Variants in CDH10 observed in about 807,000 individuals in gnomAD.
The protein encoded by CDH10 is cadherin-10.
Under a neutral mutation model 73.1 loss-of-function variants are expected in CDH10, and 30 were observed. The ratio of observed to expected loss-of-function variants is 0.41; its 90% CI spans 0.31 to 0.56. The LOEUF (loss-of-function observed/expected upper bound fraction) is 0.56. Ranked by LOEUF, CDH10 falls within the 20% of genes least tolerant of loss-of-function variation. CDH10 has a pLI of 0.27. For missense variants in CDH10, 815 were observed against 973.7 expected (o/e 0.84, Z 2.17); for synonymous variants, 345 against 348.2 (o/e 0.99, Z 0.10).
In CDH10 at chr5:24,608,615, G is replaced by A. The variant is rs116632285; in HGVS notation, c.-123-15002C>T. ...CTACATTCTGAATGTTTTAACAAAAGGTTTCAAAATATAAAGTAGTAGTAA... is the reference window on the plus strand; with the variant it reads ...CTACATTCTGAATGTTTTAACAAAAAGTTTCAAAATATAAAGTAGTAGTAA... On this transcript the variant is annotated intron_variant, in intron 1 of 11. Coordinates refer to ENST00000264463, the MANE Select transcript of CDH10 (RefSeq NM_006727.5). 9.8e-3 allele frequency among the ~76,000 whole-genome samples: 1,493 copies of A among 152,068 alleles called. 18 individuals are homozygous for A. Among genetic ancestry groups the A allele is most frequent in the African/African-American group, 0.035 (1,442 of 41,490 alleles).
intron 2 of CDH10, among the ~76,000 whole-genome samples, chr5:24,559,551 A>G (rs147616592): frequency 2.1e-3 from 316 of 152,138 alleles, no homozygotes; most frequent in Middle Eastern, 0.01. Context: ...GGGAAGAGAA[A>G]ATTGAAAATG....
chr5:24,588,843 G>C (rs1417531681), intron 2 of CDH10, among the ~76,000 whole-genome samples: 1 of 152,126 alleles, frequency 6.6e-6, no homozygotes, highest in Non-Finnish European at 1.5e-5. Flanking sequence ...GGAATAAACA[G>C]ATCAATAAAA....
At chr5:24,628,433 C>T (rs970846711) in intron 1 of CDH10, among the ~76,000 whole-genome samples, 2 of 152,088 alleles carry the variant, frequency 1.3e-5, no homozygotes, top group African/African-American at 4.8e-5. Context: ...TTTGTGAGCA[C>T]ATATGAGAAA....
At chr5:24,504,893 T>C (rs1742648200) in intron 8 of CDH10, among the ~76,000 whole-genome samples, 1 of 152,088 alleles carries the variant, frequency 6.6e-6, no homozygotes, top group African/African-American at 2.4e-5. Context: ...AGAAATAAAA[T>C]TTTTGCATCT....
At chr5:24,583,572 A>T (rs919619944) in intron 2 of CDH10, among the ~76,000 whole-genome samples, 4 of 152,242 alleles carry the variant, frequency 2.6e-5, no homozygotes, top group African/African-American at 9.6e-5. Flanking sequence ...CTAATTTATT[A>T]ATCAGTGCAC....
At chr5:24,586,121 TA>T (rs1216324754) in intron 2 of CDH10, among the ~76,000 whole-genome samples, 1 of 152,208 alleles carries the variant, frequency 6.6e-6, no homozygotes, top group African/African-American at 2.4e-5. Flanking sequence ...TATAATAGTA[TA>T]CATTCTTACA....
chr5:24,613,135 CTCTT>C (rs1301566010), intron 1 of CDH10: 5 of 151,194 alleles, frequency 3.3e-5, no homozygotes, highest in Middle Eastern at 3.2e-3. Flanking sequence ...CTGAAGGTAC[CTCTT>C]TCTTAAGAGA....
At chr5:24,584,861 C>T (rs1447625648) in intron 2 of CDH10, among the ~76,000 whole-genome samples, 1 of 150,042 alleles carries the variant, frequency 6.7e-6, no homozygotes, top group Non-Finnish European at 1.5e-5. Context: ...TTTTTTTCCC[C>T]CCTGATACAA....
chr5:24,507,883 G>T (rs2111740600), intron 7 of CDH10, among the ~76,000 whole-genome samples: 1 of 152,292 alleles, frequency 6.6e-6, no homozygotes, highest in East Asian at 1.9e-4. Flanking sequence ...TATGTAACCT[G>T]TGATGCTGTG....
At chr5:24,590,304 G>A (rs1307997016) in intron 2 of CDH10, among the ~76,000 whole-genome samples, 1 of 150,650 alleles carries the variant, frequency 6.6e-6, no homozygotes, top group Admixed American at 6.6e-5. Context: ...TTCTAAATGA[G>A]TTTTTAAATA....
intron 1 of CDH10, among the ~76,000 whole-genome samples, chr5:24,626,260 C>G (rs1747495669): frequency 6.6e-6 from 1 of 152,040 alleles, no homozygotes; most frequent in Non-Finnish European, 1.5e-5. Flanking sequence ...TTGAAGTAAA[C>G]TCTTGATTCA....
chr5:24,610,432 G>T (rs1321881480), intron 1 of CDH10, among the ~76,000 whole-genome samples: 1 of 152,042 alleles, frequency 6.6e-6, no homozygotes, highest in South Asian at 2.1e-4. Context: ...TATGCTAATT[G>T]TATTTGATTA....
chr5:24,523,308 T>C (rs1743406333), intron 5 of CDH10, among the ~76,000 whole-genome samples: 1 of 152,106 alleles, frequency 6.6e-6, no homozygotes, highest in Non-Finnish European at 1.5e-5. Flanking sequence ...ATTAGAGCTA[T>C]AGATGAGAAT....
chr5:24,577,222 A>G (rs1745640824), intron 2 of CDH10, among the ~76,000 whole-genome samples: 1 of 152,092 alleles, frequency 6.6e-6, no homozygotes, highest in Non-Finnish European at 1.5e-5. Context: ...TGAATAAACC[A>G]CAGAATTTAT....
At position 24,488,808 on chromosome 5, in the gene CDH10, A is replaced by T. The variant is rs1162203478; in HGVS notation, c.1877-655T>A. 3.6e-5 allele frequency among the ~76,000 whole-genome samples: 5 copies of T among 138,932 alleles called. No individual in the cohort carries two copies. The East Asian group carries it at 1.3e-3, about 35-fold the overall frequency. The allele number at this position is 138,932 out of a possible 152,430, so 91.1% of individuals were successfully genotyped here. ...TGCATGAGACCCCCCCCCCAAAAAA[A>T]ATTGTTAGGTTATAAGATGGCAAAG... On this transcript the variant is annotated intron_variant, in intron 11 of 11. Transcript: ENST00000264463.
At chr5:24,503,526 C>T (rs1054122959) in intron 8 of CDH10, among the ~76,000 whole-genome samples, 3 of 152,184 alleles carry the variant, frequency 2.0e-5, no homozygotes, top group African/African-American at 4.8e-5. Flanking sequence ...AAGCACCTGA[C>T]ATTTTCATTT....
chr5:24,582,210 GA>G (rs1745827991), intron 2 of CDH10, among the ~76,000 whole-genome samples: 1 of 152,110 alleles, frequency 6.6e-6, no homozygotes, highest in Non-Finnish European at 1.5e-5. Flanking sequence ...TATACACATT[GA>G]TATTGCATAA....
chr5:24,518,468 T>A (rs538269443), intron 5 of CDH10, among the ~76,000 whole-genome samples: 18 of 152,232 alleles, frequency 1.2e-4, no homozygotes, highest in African/African-American at 4.3e-4. Flanking sequence ...TGCATATACA[T>A]AAATACACGT....
At chr5:24,545,558 T>C (rs1408696453) in intron 2 of CDH10, among the ~76,000 whole-genome samples, 1 of 152,154 alleles carries the variant, frequency 6.6e-6, no homozygotes, top group Non-Finnish European at 1.5e-5. Flanking sequence ...CTCATACCTA[T>C]AATCTCGGTG....
Sources: allele counts gnomAD v4.1 joint callset (sites outside exome capture counted in the v4.1 genomes callset), GRCh38; gene constraint gnomAD v4.1.1; transcripts MANE v1.5; gene names NCBI Gene and HGNC (gene_info 2026-07-23, HGNC 2026-07-21).